Variants in GRK5 observed in about 807,000 individuals in gnomAD.
GRK5 encodes the protein g protein-coupled receptor kinase GRK5.
GRK5 carries 40 observed loss-of-function variants against 78.4 expected under a neutral mutation model. The observed-to-expected ratio is 0.51, with a 90% CI of 0.40 to 0.66. The LOEUF is 0.66. Ranked by LOEUF, GRK5 falls within the 30% of genes least tolerant of loss-of-function variation. The pLI, the probability that GRK5 is intolerant of heterozygous loss-of-function variation, is 0.00. For synonymous variants in GRK5, 289 were observed against 296.8 expected (o/e 0.97, Z 0.27); for missense variants, 598 against 759.9 (o/e 0.79, Z 2.50).
intron 6 of GRK5, among the ~76,000 whole-genome samples, chr10:119,427,616 G>A (rs1417358914): frequency 4.0e-5 from 6 of 150,190 alleles, no homozygotes; most frequent in South Asian, 2.1e-4. Context: ...CAGCATCACT[G>A]CCATCATCAG....
intron 1 of GRK5, among the ~76,000 whole-genome samples, chr10:119,326,245 A>T (rs1295704047): frequency 6.6e-6 from 1 of 152,114 alleles, no homozygotes. Context: ...GCCGTGGGGG[A>T]TGCCTGGTGT....
At chr10:119,263,150 GGC>G (rs1369452362) in intron 1 of GRK5, among the ~76,000 whole-genome samples, 4 of 152,048 alleles carry the variant, frequency 2.6e-5, no homozygotes, top group Admixed American at 2.6e-4. Context: ...TGGGATTACA[GGC>G]GCGCACACCA....
rs545027575 is a variant in GRK5 at position 119,236,373 on chromosome 10, C to T, written c.52+28404C>T. 3.3e-5 allele frequency among the ~76,000 whole-genome samples: 5 copies of T among 151,952 alleles called. No homozygotes were observed. In the South Asian group the frequency reaches 8.3e-4, roughly 25 times the overall value. On this transcript the variant is annotated intron_variant, in intron 1 of 15. Coordinates refer to ENST00000392870, the MANE Select transcript of GRK5 (RefSeq NM_005308.3). Reference sequence around the variant, plus strand: ...TGGGACTACAGGCGCCCGCACCTCACCTGGCTAATTTTTTGTGTTTTTAGT... The same window carrying T: ...TGGGACTACAGGCGCCCGCACCTCATCTGGCTAATTTTTTGTGTTTTTAGT...
In GRK5 at chr10:119,347,499, G is replaced by A. The variant is rs559010488; in HGVS notation, c.148+20888G>A. Among the ~76,000 whole-genome samples the A allele has an allele frequency of 5.3e-5, 8 of 152,360 alleles. No homozygotes were observed. In the South Asian group the frequency reaches 1.4e-3, roughly 28 times the overall value. On this transcript the variant is annotated intron_variant, in intron 2 of 15. Coordinates refer to ENST00000392870, the MANE Select transcript of GRK5 (RefSeq NM_005308.3). Reference sequence around the variant, plus strand: ...TGCACGTGCACGTGTGTGTGTGCACGCCCATCACCAGACTGTAAGTATCCT... The same window carrying A: ...TGCACGTGCACGTGTGTGTGTGCACACCCATCACCAGACTGTAAGTATCCT...
chr10:119,277,911 G>A (rs960678543), intron 1 of GRK5, among the ~76,000 whole-genome samples: 4 of 152,156 alleles, frequency 2.6e-5, no homozygotes, highest in Non-Finnish European at 2.9e-5. Context: ...TACACTGTTG[G>A]CGTATCAGTA....
At chr10:119,209,108 A>T (rs951405583) in intron 1 of GRK5, among the ~76,000 whole-genome samples, 1 of 152,112 alleles carries the variant, frequency 6.6e-6, no homozygotes, top group African/African-American at 2.4e-5. Flanking sequence ...TCATTCACCT[A>T]CTTTGATGAA....
intron 13 of GRK5, among the ~76,000 whole-genome samples, chr10:119,448,533 G>A (rs973201476): frequency 3.9e-5 from 6 of 152,190 alleles, no homozygotes; most frequent in African/African-American, 7.2e-5. Flanking sequence ...CCTTCTAAGC[G>A]TCAGTTTCCT....
chr10:119,436,522 C>CTGGG (rs1426225871), intron 8 of GRK5, 129 bp from the exon 9 acceptor site: 1 of 876,938 alleles, frequency 1.1e-6, no homozygotes, highest in African/African-American at 1.7e-5. Context: ...CAGAGGCCAT[C>CTGGG]TGGGTGCAGG....
intron 1 of GRK5, among the ~76,000 whole-genome samples, chr10:119,210,166 T>C (rs1396626137): frequency 6.6e-6 from 1 of 152,194 alleles, no homozygotes; most frequent in African/African-American, 2.4e-5. Context: ...TTTAAAGGCT[T>C]TTTCAATTTT....
chr10:119,410,554 G>A (rs998386071), intron 4 of GRK5, among the ~76,000 whole-genome samples: 6 of 152,114 alleles, frequency 3.9e-5, no homozygotes, highest in African/African-American at 7.2e-5. Context: ...AACCACCCCC[G>A]ACGCTTTGCA....
intron 2 of GRK5, among the ~76,000 whole-genome samples, chr10:119,344,876 T>C (rs796423263): frequency 5.8e-4 from 38 of 65,046 alleles, no homozygotes; most frequent in African/African-American, 1.6e-3. Flanking sequence ...GACCCACCCT[T>C]CCTTCCTTCC....
intron 2 of GRK5, among the ~76,000 whole-genome samples, chr10:119,372,337 A>G (rs1180504304): frequency 6.6e-6 from 1 of 152,226 alleles, no homozygotes; most frequent in Non-Finnish European, 1.5e-5. Flanking sequence ...TAGAATATTC[A>G]TGAGGATCCA....
In GRK5 at chr10:119,207,816, CCGG is replaced by C. The variant is rs1848410425; in HGVS notation, c.-100_-98del. 2 of 1,149,698 alleles carry C rather than the reference CCGG, an allele frequency of 1.7e-6. No individual in the cohort carries two copies. The highest frequency in any genetic ancestry group is 1.2e-6 in the Non-Finnish European group (1 of 819,348). The allele number at this position is 1,149,698 out of a possible 1,614,324, so 71.2% of individuals were successfully genotyped here. A position where few individuals can be genotyped will look rare whatever the true frequency, so the allele number is the denominator to read the frequency against. ...AGGCGGGCTGCTGGCTCCCCCGGCT[CCGG>C]CAGCAGCGGCGGCAGCCCGAGCAGC... is the stretch of plus-strand genomic sequence containing the variant. On this transcript the variant is annotated 5_prime_UTR_variant, in exon 1 of 16. Coordinates refer to ENST00000392870, the MANE Select transcript of GRK5 (RefSeq NM_005308.3).
chr10:119,302,720 C>G (rs547320013), intron 1 of GRK5, among the ~76,000 whole-genome samples: 1 of 152,210 alleles, frequency 6.6e-6, no homozygotes, highest in Non-Finnish European at 1.5e-5. Context: ...CAGGACTGTC[C>G]AGGTGTTTGA....
At chr10:119,280,376 G>T (rs1224322243) in intron 1 of GRK5, among the ~76,000 whole-genome samples, 1 of 152,140 alleles carries the variant, frequency 6.6e-6, no homozygotes, top group African/African-American at 2.4e-5. Flanking sequence ...AGTTTTTCTT[G>T]TTGGTTTTAA....
At chr10:119,252,855 T>C (rs1332196338) in intron 1 of GRK5, among the ~76,000 whole-genome samples, 2 of 152,082 alleles carry the variant, frequency 1.3e-5, no homozygotes, top group Non-Finnish European at 2.9e-5. Flanking sequence ...AATTGAGAGA[T>C]GAGGCCATGG....
chr10:119,374,113 G>A (rs1312200747), intron 2 of GRK5, among the ~76,000 whole-genome samples: 2 of 152,192 alleles, frequency 1.3e-5, no homozygotes, highest in South Asian at 2.1e-4. Flanking sequence ...GACCTCCAAG[G>A]TTGATCTTGG....
At chr10:119,409,610 G>A (rs1294359206) in intron 4 of GRK5, among the ~76,000 whole-genome samples, 2 of 152,162 alleles carry the variant, frequency 1.3e-5, no homozygotes, top group Admixed American at 6.5e-5. Context: ...GGCTTGGCAG[G>A]CCCTCCCCAT....
At chr10:119,246,159 C>T (rs572177092) in intron 1 of GRK5, among the ~76,000 whole-genome samples, 6 of 152,060 alleles carry the variant, frequency 3.9e-5, no homozygotes, top group African/African-American at 1.4e-4. Context: ...CAGGTCCCCC[C>T]TTATATACTA....
Sources: gnomAD v4.1 joint callset for allele counts (sites outside exome capture counted in the v4.1 genomes callset) on GRCh38, gnomAD v4.1.1 for gene constraint, MANE v1.5 for transcripts, NCBI Gene and HGNC (gene_info 2026-07-23, HGNC 2026-07-21) for gene names.